The following GLI2 variants were observed in gnomAD, a reference collection of about 807,000 sequenced individuals.
GLI2 encodes transcription activator GLI2.
In GLI2, 22 loss-of-function variants were observed where a neutral mutation model predicts 78.9. The observed-to-expected ratio is 0.28, with a 90% CI of 0.20 to 0.40. The LOEUF (loss-of-function observed/expected upper bound fraction) is 0.40, where lower values mean the gene tolerates loss of function less well. Ranked by LOEUF, GLI2 falls within the 10% of genes least tolerant of loss-of-function variation. The pLI, the probability that GLI2 is intolerant of heterozygous loss-of-function variation, is 1.00. For synonymous variants in GLI2, 974 were observed against 963.7 expected (o/e 1.01, Z -0.20); for missense variants, 2,097 against 2,213.2 (o/e 0.95, Z 1.05).
chr2:120,744,540 G>A (rs1682643101), intron 1 of GLI2, among the ~76,000 whole-genome samples: 1 of 152,222 alleles, frequency 6.6e-6, no homozygotes, highest in African/African-American at 2.4e-5. Flanking sequence ...ACATAATATA[G>A]TAATTTACAT....
intron 2 of GLI2, among the ~76,000 whole-genome samples, chr2:120,887,956 T>C (rs12373777): frequency 0.46 from 70,085 of 152,172 alleles, 16,369 homozygotes; most frequent in South Asian, 0.5. Flanking sequence ...AGAGGGGAGC[T>C]GCAGCTTGGG....
At position 120,869,127 on chromosome 2, in the gene GLI2, G is replaced by GA. The variant is rs1250200457; in HGVS notation, c.149-58234_149-58233insA. Among the ~76,000 whole-genome samples, 14 of 44,086 alleles carry GA rather than the reference G, an allele frequency of 3.2e-4. No individual in the cohort carries two copies. In the East Asian group the frequency reaches 0.043, roughly 136 times the overall value. The allele number at this position is 44,086 out of a possible 152,430, so 28.9% of individuals were successfully genotyped here. On this transcript the variant is annotated intron_variant, in intron 2 of 13. Transcript: ENST00000361492. ...GCTTTTTTGGCAGGGAGGTCACAGAGGAGACCATTTCTGGGCCTGGAATTC... is the reference window on the plus strand; with the variant it reads ...GCTTTTTTGGCAGGGAGGTCACAGAGAGAGACCATTTCTGGGCCTGGAATTC...
chr2:120,736,492 C>A (rs868789979), intron 1 of GLI2, among the ~76,000 whole-genome samples: 5 of 151,962 alleles, frequency 3.3e-5, no homozygotes, highest in Non-Finnish European at 5.9e-5. Context: ...ACGAGCAGGG[C>A]GGGGACGTAA....
At chr2:120,913,244 G>A (rs999084078) in intron 2 of GLI2, among the ~76,000 whole-genome samples, 13 of 152,120 alleles carry the variant, frequency 8.5e-5, no homozygotes, top group East Asian at 5.8e-4. Context: ...GGGTAGCCGC[G>A]AGCTGTGTGT....
At chr2:120,919,325 C>T (rs1027065770) in intron 2 of GLI2, among the ~76,000 whole-genome samples, 6 of 152,244 alleles carry the variant, frequency 3.9e-5, no homozygotes, top group Non-Finnish European at 7.3e-5. Context: ...AGCCCTTCTC[C>T]AGTCATCCCA....
rs377235658 is a variant in GLI2, at chr2:120,978,378, G to T, written c.1318-56G>T. The T allele has an allele frequency of 3.7e-6, 6 of 1,605,730 alleles. No individual in the cohort carries two copies. The African/African-American group carries it at 5.3e-5, about 14-fold the overall frequency. The stretch of plus-strand genomic sequence containing the variant: ...GCAGGTGGTCAGCTGACAGCAGGGG[G>T]TGGTCTGTGGGCCTCTGGCCCTGCT... On this transcript the variant is annotated intron_variant, in intron 9 of 13. Coordinates refer to ENST00000361492, the MANE Select transcript of GLI2 (RefSeq NM_001374353.1).
chr2:120,904,633 C>T (rs947130011), intron 2 of GLI2, among the ~76,000 whole-genome samples: 4 of 152,154 alleles, frequency 2.6e-5, no homozygotes, highest in Admixed American at 2.0e-4. Flanking sequence ...CAGGAGGAGG[C>T]GCAGCTGTTC....
rs768282760 is a variant in GLI2 at position 120,927,408 on chromosome 2, A to G, written c.196A>G (p.Met66Val). The change falls in exon 3 of 14, where the codon ATG (methionine) becomes GTG (valine). Residue 66 changes from methionine (M) to valine (V), a missense_variant. Met to Val is a conservative substitution (Grantham distance 21, BLOSUM62 1). Transcript: ENST00000361492. Reference protein sequence around the residue: ...PPFHAPLPIDMRHQEGRYHYE... With the variant: ...PPFHAPLPIDVRHQEGRYHYE... ...ATTCCATGCGCCCCTACCGATTGAC[A>G]TGCGACACCAGGAAGGAAGGTACCA... The G allele has an allele frequency of 2.0e-5, 33 of 1,613,860 alleles. No individual in the cohort carries two copies. Among genetic ancestry groups the G allele is most frequent in the East Asian group, 4.5e-5 (2 of 44,880 alleles).
At chr2:120,902,156 T>A (rs1014509001) in intron 2 of GLI2, among the ~76,000 whole-genome samples, 1 of 151,740 alleles carries the variant, frequency 6.6e-6, no homozygotes, top group East Asian at 2.0e-4. Context: ...ACCATGGAAA[T>A]TGGCACATGC....
intron 1 of GLI2, among the ~76,000 whole-genome samples, chr2:120,780,450 A>G (rs961169569): frequency 2.0e-5 from 3 of 152,218 alleles, no homozygotes; most frequent in Non-Finnish European, 4.4e-5. Flanking sequence ...GGAGGAAGGA[A>G]GGAGAGAGAG....
Position 120,968,852 on chromosome 2 carries a change from A to G in GLI2, c.782A>G (p.Asn261Ser). The change falls in exon 6 of 14, where the codon AAC (asparagine) becomes AGC (serine). Residue 261 changes from asparagine to serine, a missense_variant. Physicochemically the swap from Asn to Ser is conservative, Grantham distance 46. Transcript: ENST00000361492. Reference protein sequence around the residue: ...TSPNSLVAYINNSRSSSAASG... With the variant: ...TSPNSLVAYISNSRSSSAASG... ...CCCAACTCGCTAGTGGCCTACATCA[A>G]CAACTCCCGAAGCAGCTCGGCGGCC... 6.2e-7 allele frequency: 1 copy of G among 1,613,784 alleles called. No individual in the cohort carries two copies. The highest frequency in any genetic ancestry group is 8.5e-7 in the Non-Finnish European group (1 of 1,179,978).
At chr2:120,859,604 A>G (rs1187435651) in intron 2 of GLI2, among the ~76,000 whole-genome samples, 1 of 151,804 alleles carries the variant, frequency 6.6e-6, no homozygotes, top group African/African-American at 2.4e-5. Context: ...ACAGGAGCAC[A>G]CCACCGTACC....
At chr2:120,746,986 A>ATT (rs1401843348) in intron 1 of GLI2, among the ~76,000 whole-genome samples, 1 of 152,062 alleles carries the variant, frequency 6.6e-6, no homozygotes, top group Non-Finnish European at 1.5e-5. Flanking sequence ...CTCGTATTTT[A>ATT]TTTTATCATC....
chr2:120,763,247 A>G (rs1204247499), intron 1 of GLI2, among the ~76,000 whole-genome samples: 3 of 152,154 alleles, frequency 2.0e-5, no homozygotes, highest in Non-Finnish European at 4.4e-5. Context: ...TGGCTCTCAG[A>G]TCTGTGTGTT....
intron 2 of GLI2, among the ~76,000 whole-genome samples, chr2:120,875,414 G>A (rs57335270): frequency 0.084 from 12,866 of 152,270 alleles, 1,794 homozygotes; most frequent in African/African-American, 0.29. Flanking sequence ...ACTTGGAGGA[G>A]GGTATATGGG....
At chr2:120,781,881 CAA>C (rs61067431) in intron 1 of GLI2, among the ~76,000 whole-genome samples, 10 of 131,732 alleles carry the variant, frequency 7.6e-5, no homozygotes, top group Non-Finnish European at 5.0e-5. Context: ...GACTCCATCT[CAA>C]AAAAAAAAAA....
intron 2 of GLI2, among the ~76,000 whole-genome samples, chr2:120,899,281 T>C (rs1428290283): frequency 1.3e-5 from 2 of 152,154 alleles, no homozygotes; most frequent in Non-Finnish European, 2.9e-5. Context: ...CAGTGTAATA[T>C]AGAAGCAAAC....
chr2:120,986,227 G>C (rs746008692), intron 12 of GLI2, 51 bp from the exon 13 acceptor site: 22 of 1,536,166 alleles, frequency 1.4e-5, no homozygotes, highest in Admixed American at 5.0e-5. Flanking sequence ...GCAGGACCAG[G>C]TGGAATCTGA....
intron 1 of GLI2, among the ~76,000 whole-genome samples, chr2:120,752,227 G>T (rs979635847): frequency 6.6e-6 from 1 of 150,772 alleles, no homozygotes; most frequent in African/African-American, 2.4e-5. Flanking sequence ...ATGTATATGT[G>T]TGTAGATCAT....
Sources: gnomAD v4.1 joint callset for allele counts (sites outside exome capture counted in the v4.1 genomes callset) on GRCh38, gnomAD v4.1.1 for gene constraint, MANE v1.5 for transcripts, NCBI Gene and HGNC (gene_info 2026-07-23, HGNC 2026-07-21) for gene names.